Variants in SFTPD observed in about 807,000 individuals in gnomAD.
SFTPD encodes the protein surfactant protein D.
Under a neutral mutation model 34.6 loss-of-function variants are expected in SFTPD, and 18 were observed. The observed-to-expected ratio is 0.52, with a 90% CI of 0.36 to 0.77. The LOEUF (loss-of-function observed/expected upper bound fraction) is 0.77, where lower values mean the gene tolerates loss of function less well. Ranked by LOEUF, SFTPD falls within the 30% of genes least tolerant of loss-of-function variation. SFTPD has a pLI of 0.00. For synonymous variants in SFTPD, 155 were observed against 180.9 expected (o/e 0.86, Z 1.15); for missense variants, 433 against 468.9 (o/e 0.92, Z 0.71).
intron 1 of SFTPD, among the ~76,000 whole-genome samples, chr10:79,978,996 T>C (rs1431666129): frequency 6.6e-6 from 1 of 152,178 alleles, no homozygotes; most frequent in African/African-American, 2.4e-5. Context: ...ATAAATTCGG[T>C]AAAGTTTCAG....
At position 79,948,761 on chromosome 10, in the gene SFTPD, A is replaced by G. The variant is rs558957624; in HGVS notation, c.-4+305T>C. 3.9e-5 allele frequency among the ~76,000 whole-genome samples: 6 copies of G among 152,192 alleles called. 1 individual carries two copies. Among genetic ancestry groups the G allele is most frequent in the African/African-American group, 1.2e-4 (5 of 41,504 alleles). On this transcript the variant is annotated intron_variant, in intron 1 of 7. Transcript: ENST00000372292. ...GAAAAGAGCCTAGAGATAAATTAGCATTGCATTTTTCCACCTGAAGCTTCC... is the reference window on the plus strand; with the variant it reads ...GAAAAGAGCCTAGAGATAAATTAGCGTTGCATTTTTCCACCTGAAGCTTCC...
chr10:79,940,684 G>T, intron 7 of SFTPD, 21 bp downstream of exon 7: 2 of 1,526,410 alleles, frequency 1.3e-6, no homozygotes, highest in Non-Finnish European at 1.8e-6. Context: ...GCTGGGTCCA[G>T]GTTCAGATCC....
At chr10:79,965,246 T>C (rs1238604609) in intron 1 of SFTPD, among the ~76,000 whole-genome samples, 1 of 152,146 alleles carries the variant, frequency 6.6e-6, no homozygotes, top group Non-Finnish European at 1.5e-5. Context: ...TAATACCTGT[T>C]TTTCTCCTTC....
At chr10:79,960,334 A>G (rs987625572) in intron 1 of SFTPD, among the ~76,000 whole-genome samples, 2 of 150,946 alleles carry the variant, frequency 1.3e-5, no homozygotes, top group African/African-American at 2.4e-5. Flanking sequence ...GTATTCAATT[A>G]GGAAAAGAGG....
chr10:79,957,529 C>A (rs1842747208), intron 1 of SFTPD, among the ~76,000 whole-genome samples: 1 of 152,012 alleles, frequency 6.6e-6, no homozygotes, highest in Non-Finnish European at 1.5e-5. Flanking sequence ...CTGATGCGAT[C>A]AACTGGAAGA....
chr10:79,961,415 T>C (rs1391473187), intron 1 of SFTPD, among the ~76,000 whole-genome samples: 2 of 151,886 alleles, frequency 1.3e-5, no homozygotes, highest in African/African-American at 4.8e-5. Flanking sequence ...AGGGCTAATA[T>C]GCAGAATCTA....
At chr10:79,944,620 G>A (rs1483963896) in intron 2 of SFTPD, among the ~76,000 whole-genome samples, 3 of 152,132 alleles carry the variant, frequency 2.0e-5, no homozygotes, top group Non-Finnish European at 4.4e-5. Context: ...GGTACAGGGT[G>A]GTCCTGCCGG....
At chr10:79,944,015 G>A (rs978960701) in intron 2 of SFTPD, among the ~76,000 whole-genome samples, 2 of 152,242 alleles carry the variant, frequency 1.3e-5, no homozygotes, top group African/African-American at 2.4e-5. Flanking sequence ...TGGAGGAGGG[G>A]CACCTCCCCA....
upstream of SFTPD, among the ~76,000 whole-genome samples, chr10:79,953,276 C>T (rs547688184): frequency 6.6e-6 from 1 of 152,192 alleles, no homozygotes. Context: ...TTTATTTCAA[C>T]CTCGAGAACT....
In SFTPD at chr10:79,942,758, C is replaced by G; in HGVS notation, c.316+5G>C. 1 of 1,580,796 alleles carries G rather than the reference C, an allele frequency of 6.3e-7. No homozygotes were observed. Among genetic ancestry groups the G allele is most frequent in the Non-Finnish European group, 8.7e-7 (1 of 1,149,628 alleles). ...AACACCTGAAGTCGACACCCAGTTGCTCACCACTTGGCCCAGTGTCTCCCT... is the reference window on the plus strand; with the variant it reads ...AACACCTGAAGTCGACACCCAGTTGGTCACCACTTGGCCCAGTGTCTCCCT... On this transcript the variant is annotated splice_donor_5th_base_variant and intron_variant, in intron 3 of 7. Transcript: ENST00000372292.
rs367721027 is a variant in SFTPD at position 79,982,337 on chromosome 10, G to T, written c.36+238C>A. On this transcript the variant is annotated intron_variant, in intron 1 of 5. Coordinates refer to the SFTPD transcript ENST00000444384. ...GCACCAGCCCAGCGCCTCGGGCGGC[G>T]CTGCTGCGAAGGCCCTGGCAGCCCC... 4 of 981,012 alleles carry T rather than the reference G, an allele frequency of 4.1e-6. No individual in the cohort carries two copies. In the African/African-American group the frequency reaches 5.2e-5, roughly 13 times the overall value. The allele number at this position is 981,012 out of a possible 1,614,324, so 60.8% of individuals were successfully genotyped here.
intron 3 of SFTPD, 31 bp downstream of exon 3, chr10:79,942,732 A>T (rs1479167871): frequency 4.3e-6 from 6 of 1,404,948 alleles, no homozygotes; most frequent in Non-Finnish European, 6.1e-6. Context: ...CACCACCTGG[A>T]AACACCTGAA....
chr10:79,978,070 T>G (rs1842872280), intron 1 of SFTPD, among the ~76,000 whole-genome samples: 1 of 152,210 alleles, frequency 6.6e-6, no homozygotes, highest in African/African-American at 2.4e-5. Flanking sequence ...AAAAGGAGGA[T>G]GTCCCATTTT....
At chr10:79,981,530 C>A (rs71481548) in intron 1 of SFTPD, among the ~76,000 whole-genome samples, 1 of 152,222 alleles carries the variant, frequency 6.6e-6, no homozygotes, top group Non-Finnish European at 1.5e-5. Flanking sequence ...ACCTTCGCGG[C>A]CCAGATCCTC....
chr10:79,978,651 CAAAAAAAAAAAAA>C (rs58759979), intron 1 of SFTPD, among the ~76,000 whole-genome samples: 2 of 51,948 alleles, frequency 3.9e-5, no homozygotes, highest in Non-Finnish European at 6.9e-5. Context: ...CACCCTGTCT[CAAAAAAAAAAAAA>C]AAAAAAAAAA....
At chr10:79,978,651 CAAAAAAA>C (rs58759979) in intron 1 of SFTPD, among the ~76,000 whole-genome samples, 3 of 51,972 alleles carry the variant, frequency 5.8e-5, no homozygotes, top group South Asian at 2.0e-3. Flanking sequence ...CACCCTGTCT[CAAAAAAA>C]AAAAAAAAAA....
intron 6 of SFTPD, 34 bp downstream of exon 6, chr10:79,941,364 C>G (rs766325239): frequency 6.3e-7 from 1 of 1,581,746 alleles, no homozygotes; most frequent in South Asian, 1.1e-5. Context: ...CATGCCCCAG[C>G]GGGGCTTCCC....
rs1842603218 is a variant in SFTPD at position 79,940,773 on chromosome 10, C to T, written c.683G>A (p.Arg228Lys). ...TCCCTGTAAGGCCTCAACCTGCTGC[C>T]TCAGAGAAGCAACATCTGGAGGGGA... ...ESGLPDVASL[R>K]QQVEALQGQV... The change falls in exon 7 of 8, where the codon AGG becomes AAG. Residue 228 changes from arginine (R) to lysine (K), a missense_variant. Transcript: ENST00000372292. 6.2e-7 allele frequency: 1 copy of T among 1,610,966 alleles called. No homozygotes were observed. The highest frequency in any genetic ancestry group is 2.2e-5 in the East Asian group (1 of 44,848).
chr10:79,973,707 C>G (rs530144657), intron 1 of SFTPD, among the ~76,000 whole-genome samples: 5 of 150,262 alleles, frequency 3.3e-5, no homozygotes, highest in Non-Finnish European at 7.4e-5. Context: ...ATCTTTTTTA[C>G]AATTCCATTA....
Sources: gnomAD v4.1 joint callset for allele counts (sites outside exome capture counted in the v4.1 genomes callset) on GRCh38, gnomAD v4.1.1 for gene constraint, MANE v1.5 for transcripts, NCBI Gene and HGNC (gene_info 2026-07-23, HGNC 2026-07-21) for gene names.